CLDN23: variants seen among roughly 807,000 people sequenced by gnomAD.
CLDN23 encodes claudin 23, also known as claudin-23.
CLDN23 carries 3 observed loss-of-function variants against 1.4 expected under a neutral mutation model. The ratio of observed to expected loss-of-function variants is 2.10; its 90% CI spans 0.96 to 5.43. CLDN23 has a LOEUF of 5.43. Among genes scored for constraint, CLDN23 ranks in the 30% most tolerant of loss-of-function variants. The probability of loss-of-function intolerance (pLI) is 0.02; values close to 1 mark genes in which losing one functional copy is unlikely to be tolerated. For synonymous variants in CLDN23, 291 were observed against 209.9 expected (o/e 1.39, Z -3.34); for missense variants, 597 against 433.5 (o/e 1.38, Z -3.35).
rs565221135 is a variant in CLDN23 at position 8,703,419 on chromosome 8, T to C, written c.*142T>C. 23 of 785,716 alleles carry C rather than the reference T, an allele frequency of 2.9e-5. No homozygotes were observed. The highest frequency in any genetic ancestry group is 4.1e-5 in the Non-Finnish European group (23 of 562,836). The allele number at this position is 785,716 out of a possible 1,614,324, so 48.7% of individuals were successfully genotyped here. On this transcript the variant is annotated 3_prime_UTR_variant, in exon 1 of 1. Transcript: ENST00000519106. ...CTTTCGTGGGACCAAACAGGACTCC[T>C]TGGACGATTAGTTCAGGTTGGGTTT...
At position 8,703,548 on chromosome 8, in the gene CLDN23, G is replaced by C. The variant is rs981117301; in HGVS notation, c.*271G>C. 1 of 362,818 alleles carries C rather than the reference G, an allele frequency of 2.8e-6. No individual in the cohort carries two copies. Among genetic ancestry groups the C allele is most frequent in the African/African-American group, 2.1e-5 (1 of 47,716 alleles). 22.5% of individuals were successfully genotyped at this position (362,818 alleles called of 1,614,324 possible). On this transcript the variant is annotated 3_prime_UTR_variant, in exon 1 of 1. Coordinates refer to ENST00000519106, the MANE Select transcript of CLDN23 (RefSeq NM_194284.3). Reference sequence around the variant, plus strand: ...TTTTTGCTGAAGAATATATGGAAAGGGTGGCATTTGCGTCACGTGGACCAG... The same window carrying C: ...TTTTTGCTGAAGAATATATGGAAAGCGTGGCATTTGCGTCACGTGGACCAG...
chr8:8,702,782 C>T lies in CLDN23; in HGVS notation c.384C>T (p.Gly128=). ...GVVLFVAGLL[G]LIPVSWYNHF... ...TGCTCTTCGTCGCTGGCCTCCTCGG[C>T]CTCATCCCGGTGTCCTGGTACAACC... Residue 128 remains glycine (G), a synonymous_variant, in exon 1 of 1, where the codon GGC becomes GGT. Coordinates refer to ENST00000519106, the MANE Select transcript of CLDN23 (RefSeq NM_194284.3). 1 of 1,610,812 alleles carries T rather than the reference C, an allele frequency of 6.2e-7. No individual in the cohort carries two copies. Among genetic ancestry groups the T allele is most frequent in the South Asian group, 1.1e-5 (1 of 91,056 alleles).
In CLDN23 at chr8:8,703,166, C is replaced by G. The variant is rs1233489194; in HGVS notation, c.768C>G (p.Ala256=). The change falls in exon 1 of 1, where the codon GCC becomes GCG. Residue 256 remains alanine (A), a synonymous_variant. Coordinates refer to ENST00000519106, the MANE Select transcript of CLDN23 (RefSeq NM_194284.3). ...GFPMPRPRPK[A]YTNSVDVLDG... is the part of the protein sequence containing the mutation. ...CCATGCCGCGGCCGCGGCCCAAGGC[C>G]TACACCAACTCGGTGGACGTCCTCG... 6.5e-7 allele frequency: 1 copy of G among 1,528,090 alleles called. No individual in the cohort carries two copies. The highest frequency in any genetic ancestry group is 8.7e-7 in the Non-Finnish European group (1 of 1,143,910). The allele number at this position is 1,528,090 out of a possible 1,614,324, so 94.7% of individuals were successfully genotyped here.
In CLDN23 at chr8:8,703,027, T is replaced by G; in HGVS notation, c.629T>G (p.Val210Gly). The change falls in exon 1 of 1, where the codon GTG (valine) becomes GGG (glycine). Residue 210 changes from valine (V) to glycine (G), a missense_variant. By Grantham distance (109) the Val-to-Gly change is moderately radical. Coordinates refer to ENST00000519106, the MANE Select transcript of CLDN23 (RefSeq NM_194284.3). ...CGCAGCAGCGTCAGCACCATCCAAG[T>G]GGAGTGGCCCGAGCCCGACCTGGCG... is the stretch of plus-strand genomic sequence containing the variant. ...PRRSSVSTIQVEWPEPDLAPA... is the reference protein window; with the variant it reads ...PRRSSVSTIQGEWPEPDLAPA... The G allele has an allele frequency of 9.0e-6, 14 of 1,547,992 alleles. No homozygotes were observed. The highest frequency in any genetic ancestry group is 1.2e-5 in the Non-Finnish European group (14 of 1,153,788).
chr8:8,703,117 A>G lies in CLDN23; in HGVS notation c.719A>G (p.Lys240Arg). ...CCGCCTGCCCAGCACCGCAAGCCCA[A>G]GCCCAAGCCCAAGGTCGGCTTCCCC... Reference protein sequence around the residue: ...RPPPAQHRKPKPKPKVGFPMP... With the variant: ...RPPPAQHRKPRPKPKVGFPMP... Residue 240 changes from lysine to arginine, a missense_variant, in exon 1 of 1, where the codon AAG becomes AGG. Coordinates refer to ENST00000519106, the MANE Select transcript of CLDN23 (RefSeq NM_194284.3). 1 of 1,546,254 alleles carries G rather than the reference A, an allele frequency of 6.5e-7. No individual in the cohort carries two copies. The highest frequency in any genetic ancestry group is 8.7e-7 in the Non-Finnish European group (1 of 1,154,788).
At position 8,702,955 on chromosome 8, in the gene CLDN23, A is replaced by G. The variant is rs1802790787; in HGVS notation, c.557A>G (p.Asp186Gly). ...GCGCTCAGCTTCGCGCCCTGGTGCG[A>G]CGAGCGTTGTCGCCGCCGCCGCAAG... ...SLALSFAPWC[D>G]ERCRRRRKGP... Residue 186 changes from aspartate (D) to glycine (G), a missense_variant, in exon 1 of 1, where the codon GAC becomes GGC. Coordinates refer to ENST00000519106, the MANE Select transcript of CLDN23 (RefSeq NM_194284.3). 6.4e-7 allele frequency: 1 copy of G among 1,566,966 alleles called. No individual in the cohort carries two copies.
At position 8,702,643 on chromosome 8, in the gene CLDN23, C is replaced by A. The variant is rs1802769035; in HGVS notation, c.245C>A (p.Ala82Glu). The change falls in exon 1 of 1, where the codon GCA (alanine) becomes GAA (glutamate). Residue 82 changes from alanine to glutamate, a missense_variant. Physicochemically the swap from Ala to Glu is moderately radical, Grantham distance 107. Coordinates refer to ENST00000519106, the MANE Select transcript of CLDN23 (RefSeq NM_194284.3). Reference sequence around the variant, plus strand: ...GCCCAGCCCGTGCTGGTGGCGCGGGCACTCATGGTCACCTCGCTGGCCGCC... The same window carrying A: ...GCCCAGCCCGTGCTGGTGGCGCGGGAACTCATGGTCACCTCGCTGGCCGCC... The part of the protein sequence containing the change: ...FEAQPVLVAR[A>E]LMVTSLAATV... The A allele has an allele frequency of 1.2e-6, 2 of 1,603,276 alleles. No individual in the cohort carries two copies. Among genetic ancestry groups the A allele is most frequent in the East Asian group, 2.2e-5 (1 of 44,644 alleles).
Position 8,703,195 on chromosome 8 carries a change from G to T in CLDN23, c.797G>T (p.Gly266Val). 2 of 1,487,918 alleles carry T rather than the reference G, an allele frequency of 1.3e-6. No homozygotes were observed. The highest frequency in any genetic ancestry group is 2.6e-5 in the East Asian group (1 of 38,840). The allele number at this position is 1,487,918 out of a possible 1,614,324, so 92.2% of individuals were successfully genotyped here. A position where few individuals can be genotyped will look rare whatever the true frequency, so the allele number is the denominator to read the frequency against. ...AYTNSVDVLD[G>V]EGWESQDAPS... Reference sequence around the variant, plus strand: ...ACCAACTCGGTGGACGTCCTCGACGGGGAGGGGTGGGAGTCCCAGGACGCT... The same window carrying T: ...ACCAACTCGGTGGACGTCCTCGACGTGGAGGGGTGGGAGTCCCAGGACGCT... Residue 266 changes from glycine to valine, a missense_variant, in exon 1 of 1, where the codon GGG becomes GTG. Transcript: ENST00000519106.
At position 8,702,384 on chromosome 8, in the gene CLDN23, GCGCGGCGGGC is replaced by G; in HGVS notation, c.-12_-3del. The G allele has an allele frequency of 6.7e-7, 1 of 1,481,974 alleles. No individual in the cohort carries two copies. The highest frequency in any genetic ancestry group is 8.9e-7 in the Non-Finnish European group (1 of 1,120,980). The allele number at this position is 1,481,974 out of a possible 1,614,324, so 91.8% of individuals were successfully genotyped here. A position where few individuals can be genotyped will look rare whatever the true frequency, so the allele number is the denominator to read the frequency against. On this transcript the variant is annotated 5_prime_UTR_variant, in exon 1 of 1. Coordinates refer to ENST00000519106, the MANE Select transcript of CLDN23 (RefSeq NM_194284.3). ...AAGGCAGGCTGCAGGGGCGCCGTCG[GCGCGGCGGGC>G]CGGGATGCGGACGCCGGTGGTGATG... is the stretch of plus-strand genomic sequence containing the variant.
Position 8,702,458 on chromosome 8 carries a change from C to T in CLDN23, c.60C>T (p.Leu20=), listed in dbSNP as rs190963991. Residue 20 remains leucine, a synonymous_variant, in exon 1 of 1, where the codon CTC becomes CTT. Transcript: ENST00000519106. ...GMVLAPCGLL[L]NLTGTLAPGW... is the part of the protein sequence containing the mutation. ...TGTTGGCGCCCTGCGGGCTCCTGCT[C>T]AACCTGACCGGCACCCTGGCGCCCG... 2.5e-6 allele frequency: 4 copies of T among 1,604,028 alleles called. No homozygotes were observed. Among genetic ancestry groups the T allele is most frequent in the Admixed American group, 3.4e-5 (2 of 59,378 alleles).
Position 8,703,088 on chromosome 8 carries a change from A to C in CLDN23, c.690A>C (p.Arg230=). Residue 230 remains arginine (R), a synonymous_variant, in exon 1 of 1, where the codon CGA becomes CGC. Coordinates refer to ENST00000519106, the MANE Select transcript of CLDN23 (RefSeq NM_194284.3). ...AIKYYSDGQH[R]PPPAQHRKPK... ...AGTACTACAGCGACGGCCAGCACCGACCGCCGCCTGCCCAGCACCGCAAGC... is the reference window on the plus strand; with the variant it reads ...AGTACTACAGCGACGGCCAGCACCGCCCGCCGCCTGCCCAGCACCGCAAGC... The C allele has an allele frequency of 6.5e-7, 1 of 1,530,966 alleles. No individual in the cohort carries two copies. Among genetic ancestry groups the C allele is most frequent in the Non-Finnish European group, 8.7e-7 (1 of 1,147,216 alleles). 94.8% of individuals were successfully genotyped at this position (1,530,966 alleles called of 1,614,324 possible). A position where few individuals can be genotyped will look rare whatever the true frequency, so the allele number is the denominator to read the frequency against.
In CLDN23 at chr8:8,702,486, T is replaced by G. The variant is rs763546344; in HGVS notation, c.88T>G (p.Trp30Gly). The G allele has an allele frequency of 6.2e-7, 1 of 1,606,664 alleles. No individual in the cohort carries two copies. Among genetic ancestry groups the G allele is most frequent in the South Asian group, 1.1e-5 (1 of 90,374 alleles). ...LNLTGTLAPG[W>G]RLVKGFLNQP... ...CCTGACCGGCACCCTGGCGCCCGGC[T>G]GGCGGCTGGTGAAGGGCTTCCTGAA... is the stretch of plus-strand genomic sequence containing the variant. Residue 30 changes from tryptophan (W) to glycine (G), a missense_variant, in exon 1 of 1, where the codon TGG (tryptophan) becomes GGG (glycine). Trp to Gly is a radical substitution (Grantham distance 184). Transcript: ENST00000519106.
Position 8,703,259 on chromosome 8 carries a change from C to G in CLDN23, c.861C>G (p.Pro287=), listed in dbSNP as rs1482040463. 7.1e-7 allele frequency: 1 copy of G among 1,407,674 alleles called. No homozygotes were observed. The highest frequency in any genetic ancestry group is 1.6e-5 in the South Asian group (1 of 61,122). The allele number at this position is 1,407,674 out of a possible 1,614,324, so 87.2% of individuals were successfully genotyped here. A position where few individuals can be genotyped will look rare whatever the true frequency, so the allele number is the denominator to read the frequency against. ...CCCACCCCTGCGACAGCTCGCTGCCCTGCGACTCCGACCTCTAGACGCTTG... is the reference window on the plus strand; with the variant it reads ...CCCACCCCTGCGACAGCTCGCTGCCGTGCGACTCCGACCTCTAGACGCTTG... ...CSTHPCDSSL[P]CDSDL Residue 287 remains proline, a synonymous_variant, in exon 1 of 1, where the codon CCC becomes CCG. Transcript: ENST00000519106.
Position 8,702,113 on chromosome 8 carries a change from T to G in CLDN23, c.-286T>G. 9 of 293,676 alleles carry G rather than the reference T, an allele frequency of 3.1e-5. No individual in the cohort carries two copies. Among genetic ancestry groups the G allele is most frequent in the East Asian group, 1.1e-4 (2 of 18,670 alleles). 18.2% of individuals were successfully genotyped at this position (293,676 alleles called of 1,614,324 possible). On this transcript the variant is annotated 5_prime_UTR_variant, in exon 1 of 1. Coordinates refer to ENST00000519106, the MANE Select transcript of CLDN23 (RefSeq NM_194284.3). ...GGGCGCCCGCGCCCGGACCCGCGGT[T>G]TCGGTCAGACCCGCCCGCGGGCTGG... is the stretch of plus-strand genomic sequence containing the variant.
chr8:8,703,235 C>T lies in CLDN23; in HGVS notation c.837C>T (p.Thr279=). The T allele has an allele frequency of 1.4e-6, 2 of 1,435,282 alleles. No individual in the cohort carries two copies. The highest frequency in any genetic ancestry group is 9.2e-7 in the Non-Finnish European group (1 of 1,092,466). The allele number at this position is 1,435,282 out of a possible 1,614,324, so 88.9% of individuals were successfully genotyped here. ...CCCAGGACGCTCCCTCGTGCAGCAC[C>T]CACCCCTGCGACAGCTCGCTGCCCT... The part of the protein sequence containing the change: ...WESQDAPSCS[T]HPCDSSLPCD... Residue 279 remains threonine, a synonymous_variant, in exon 1 of 1, where the codon ACC becomes ACT. Transcript: ENST00000519106.
chr8:8,703,228 G>A lies in CLDN23; in HGVS notation c.830G>A (p.Cys277Tyr). 6.9e-7 allele frequency: 1 copy of A among 1,452,866 alleles called. No homozygotes were observed. The highest frequency in any genetic ancestry group is 2.7e-5 in the East Asian group (1 of 37,304). The allele number at this position is 1,452,866 out of a possible 1,614,324, so 90.0% of individuals were successfully genotyped here. Reference protein sequence around the residue: ...EGWESQDAPSCSTHPCDSSLP... With the variant: ...EGWESQDAPSYSTHPCDSSLP... ...TGGGAGTCCCAGGACGCTCCCTCGT[G>A]CAGCACCCACCCCTGCGACAGCTCG... The change falls in exon 1 of 1, where the codon TGC becomes TAC. Residue 277 changes from cysteine to tyrosine, a missense_variant. Transcript: ENST00000519106.
In CLDN23 at chr8:8,702,748, C is replaced by CG. The variant is rs1209204292; in HGVS notation, c.353dup (p.Val119ArgfsTer252). The CG allele has an allele frequency of 6.2e-7, 1 of 1,609,512 alleles. No individual in the cohort carries two copies. The highest frequency in any genetic ancestry group is 1.3e-5 in the African/African-American group (1 of 74,900). On this transcript the variant is annotated frameshift_variant, in exon 1 of 1. Transcript: ENST00000519106. LOFTEE classifies it low-confidence loss of function (END_TRUNC). ...CCCAACTTCGTGCTGGCAGGGCTCT[C>CG]GGGCGTCGTGCTCTTCGTCGCTGGC... is the stretch of plus-strand genomic sequence containing the variant.
rs1461363617 is a variant in CLDN23, at chr8:8,702,335, C to T, written c.-64C>T. On this transcript the variant is annotated 5_prime_UTR_variant, in exon 1 of 1. Transcript: ENST00000519106. ...GGGCACGGCAGGGAGAAGACGACGGCGGAGAAGGCGACAGCGGAGAAGGAA... is the reference window on the plus strand; with the variant it reads ...GGGCACGGCAGGGAGAAGACGACGGTGGAGAAGGCGACAGCGGAGAAGGAA... 4.8e-6 allele frequency: 7 copies of T among 1,449,694 alleles called. No individual in the cohort carries two copies. The highest frequency in any genetic ancestry group is 2.5e-5 in the East Asian group (1 of 40,190). 89.8% of individuals were successfully genotyped at this position (1,449,694 alleles called of 1,614,324 possible).
rs939132388 is a variant in CLDN23, at chr8:8,703,908, C to G, written c.*631C>G. The G allele has an allele frequency of 1.2e-5, 2 of 167,038 alleles. No homozygotes were observed. Among genetic ancestry groups the G allele is most frequent in the African/African-American group, 4.8e-5 (2 of 41,430 alleles). 10.3% of individuals were successfully genotyped at this position (167,038 alleles called of 1,614,324 possible). A position where few individuals can be genotyped will look rare whatever the true frequency, so the allele number is the denominator to read the frequency against. On this transcript the variant is annotated 3_prime_UTR_variant, in exon 1 of 1. Transcript: ENST00000519106. ...TTTTGCGGTGAAAGTCGAGGGCATGCAAGAGTTTCTCTTCCAGAAGCCAAG... is the reference window on the plus strand; with the variant it reads ...TTTTGCGGTGAAAGTCGAGGGCATGGAAGAGTTTCTCTTCCAGAAGCCAAG...
Sources: gnomAD v4.1 joint callset for allele counts on GRCh38, gnomAD v4.1.1 for gene constraint, MANE v1.5 for transcripts, NCBI Gene and HGNC (gene_info 2026-07-23, HGNC 2026-07-21) for gene names.